Variants in STK3 observed in about 807,000 individuals in gnomAD.
The protein encoded by STK3 is serine/threonine kinase 3.
In STK3, 41 loss-of-function variants were observed where a neutral mutation model predicts 58.0. The ratio of observed to expected loss-of-function variants is 0.71; its 90% confidence interval spans 0.55 to 0.92. The LOEUF (loss-of-function observed/expected upper bound fraction) is 0.92, where lower values mean the gene tolerates loss of function less well. Among genes scored for constraint, STK3 ranks in the 40% least tolerant of loss-of-function variants. The pLI, the probability that STK3 is intolerant of heterozygous loss-of-function variation, is 0.00. For synonymous variants in STK3, 170 were observed against 191.0 expected (o/e 0.89, Z 0.91); for missense variants, 479 against 602.7 (o/e 0.79, Z 2.15).
intron 1 of STK3, among the ~76,000 whole-genome samples, chr8:98,935,925 ATTTT>A (rs112873131): frequency 1.3e-5 from 2 of 150,560 alleles, no homozygotes; most frequent in African/African-American, 2.4e-5. Flanking sequence ...TTATTTATTT[ATTTT>A]TTTTTGAGGT....
chr8:98,373,176 C>A (rs1007276532), intron 2 of STK3, among the ~76,000 whole-genome samples: 1 of 152,120 alleles, frequency 6.6e-6, no homozygotes, highest in Admixed American at 6.5e-5. Context: ...AGTTATTATT[C>A]TTGCTTTTTT....
At chr8:98,451,619 T>G (rs1190274691), downstream of STK3, among the ~76,000 whole-genome samples, 1 of 152,292 alleles carries the variant, frequency 6.6e-6, no homozygotes, top group East Asian at 1.9e-4. Context: ...TTTCCAAGAT[T>G]GGTGGAAGAA....
intron 8 of STK3, among the ~76,000 whole-genome samples, chr8:98,562,494 G>A (rs1052129960): frequency 6.6e-6 from 1 of 151,902 alleles, no homozygotes; most frequent in Non-Finnish European, 1.5e-5. Context: ...ACAGATCAGC[G>A]GTTGAAAGGG....
chr8:98,409,000 C>A (rs564720840), intron 3 of STK3, among the ~76,000 whole-genome samples: 1 of 152,168 alleles, frequency 6.6e-6, no homozygotes, highest in African/African-American at 2.4e-5. Context: ...TGATTCTGCT[C>A]GCCTTGTTGA....
intron 4 of STK3, among the ~76,000 whole-genome samples, chr8:98,746,961 G>A (rs1452598780): frequency 6.6e-6 from 1 of 151,996 alleles, no homozygotes; most frequent in South Asian, 2.1e-4. Flanking sequence ...AGGATCGCTT[G>A]AGCCCAGGAA....
At chr8:98,719,893 T>G (rs578117084) in intron 4 of STK3, among the ~76,000 whole-genome samples, 1 of 152,346 alleles carries the variant, frequency 6.6e-6, no homozygotes, top group South Asian at 2.1e-4. Flanking sequence ...ACAGCCTCTC[T>G]TTCATTATGC....
chr8:98,663,293 G>C (rs537528906), intron 6 of STK3, among the ~76,000 whole-genome samples: 10 of 152,304 alleles, frequency 6.6e-5, no homozygotes, highest in African/African-American at 1.9e-4. Flanking sequence ...CTGGCCATCA[G>C]AGAAATGCAA....
chr8:98,633,930 G>T, intron 6 of STK3: 1 of 245,770 alleles, frequency 4.1e-6, no homozygotes, highest in South Asian at 7.7e-5. Context: ...CAACTAGCTA[G>T]AAGTTTCAGA....
chr8:98,356,615 A>G, the STK3 span, among the ~76,000 whole-genome samples: 1 of 152,226 alleles, frequency 6.6e-6, no homozygotes, highest in African/African-American at 2.4e-5. Context: ...TGATGATTTT[A>G]TGAAATACAA....
intron 1 of STK3, among the ~76,000 whole-genome samples, chr8:98,775,680 G>A (rs1434274829): frequency 6.6e-6 from 1 of 152,232 alleles, no homozygotes; most frequent in African/African-American, 2.4e-5. Flanking sequence ...AGAGCATGGT[G>A]TTGGAATGAC....
At chr8:98,362,629 A>G in the STK3 span, among the ~76,000 whole-genome samples, 10 of 152,180 alleles carry the variant, frequency 6.6e-5, no homozygotes, top group Non-Finnish European at 1.3e-4. Context: ...CCTTCCCCAG[A>G]TCTAGGGCAA....
intron 3 of STK3, among the ~76,000 whole-genome samples, chr8:98,420,645 C>T (rs1336836750): frequency 1.3e-5 from 2 of 152,114 alleles, no homozygotes; most frequent in Non-Finnish European, 2.9e-5. Flanking sequence ...CTACTTGAGA[C>T]AGTTAAGAGG....
At chr8:98,433,801 T>TGCA (rs1220184861) in intron 3 of STK3, among the ~76,000 whole-genome samples, 1 of 152,230 alleles carries the variant, frequency 6.6e-6, no homozygotes, top group Non-Finnish European at 1.5e-5. Flanking sequence ...AGACGACAGT[T>TGCA]GCAGGGACAA....
chr8:98,370,867 C>G (rs547783056), downstream of STK3, among the ~76,000 whole-genome samples: 189 of 152,294 alleles, frequency 1.2e-3, no homozygotes, highest in African/African-American at 4.2e-3. Context: ...TTTCTTTACA[C>G]CCGAGTCTCA....
At chr8:98,811,910 AG>A (rs1280876445) in intron 1 of STK3, among the ~76,000 whole-genome samples, 10 of 152,188 alleles carry the variant, frequency 6.6e-5, no homozygotes, top group Admixed American at 5.9e-4. Flanking sequence ...CCCAAGTTCA[AG>A]CAATTCTCCT....
At chr8:98,617,787 C>A (rs1390198090) in intron 6 of STK3, among the ~76,000 whole-genome samples, 5 of 151,828 alleles carry the variant, frequency 3.3e-5, no homozygotes, top group Admixed American at 6.6e-5. Flanking sequence ...TCTGAATAGA[C>A]CAATAACAGG....
At position 98,407,751 on chromosome 8, in the gene STK3, TGTGTGTGC is replaced by T. The variant is rs368552709; in HGVS notation, n.484-6246_484-6239del. On this transcript the variant is annotated intron_variant and non_coding_transcript_variant, in intron 3 of 3. Transcript: ENST00000517832. ...GTGTGTGTGTGTGTGTGTGTGTGTG[TGTGTGTGC>T]GCGCGCGCGCGCATGCATGGTATGA... 3.7e-3 allele frequency among the ~76,000 whole-genome samples: 397 copies of T among 106,496 alleles called. 1 individual carries two copies. Among genetic ancestry groups the T allele is most frequent in the Middle Eastern group, 9.5e-3 (2 of 210 alleles). 69.9% of individuals were successfully genotyped at this position (106,496 alleles called of 152,430 possible).
chr8:98,801,478 C>T (rs1833543345), intron 1 of STK3, among the ~76,000 whole-genome samples: 1 of 152,114 alleles, frequency 6.6e-6, no homozygotes, highest in African/African-American at 2.4e-5. Flanking sequence ...AGCTGTAACA[C>T]TCACCTCGAA....
At chr8:98,501,116 A>G (rs1289285049) in intron 10 of STK3, among the ~76,000 whole-genome samples, 1 of 152,028 alleles carries the variant, frequency 6.6e-6, no homozygotes, top group East Asian at 1.9e-4. Flanking sequence ...CCGGCATGAG[A>G]TGGTATCTCA....
Sources: gnomAD v4.1 joint callset for allele counts (sites outside exome capture counted in the v4.1 genomes callset) on GRCh38, gnomAD v4.1.1 for gene constraint, MANE v1.5 for transcripts, NCBI Gene and HGNC (gene_info 2026-07-23, HGNC 2026-07-21) for gene names.